The following ADAMTS14 variants were observed in gnomAD, a reference collection of about 807,000 sequenced individuals.
ADAMTS14 encodes A disintegrin and metalloproteinase with thrombospondin motifs 14.
In ADAMTS14, 100 loss-of-function variants were observed where a neutral mutation model predicts 128.6. The observed-to-expected ratio is 0.78, with a 90% CI of 0.66 to 0.92. The LOEUF (loss-of-function observed/expected upper bound fraction) is 0.92, where lower values mean the gene tolerates loss of function less well. ADAMTS14 is among the 40% of genes least tolerant of loss of function. The probability of loss-of-function intolerance (pLI) is 0.00; values close to 1 mark genes in which losing one functional copy is unlikely to be tolerated. For missense variants in ADAMTS14, 1,562 were observed against 1,658.6 expected (o/e 0.94, Z 1.01); for synonymous variants, 665 against 653.8 (o/e 1.02, Z -0.26).
At chr10:70,706,717 C>G (rs1372280429) in intron 3 of ADAMTS14, among the ~76,000 whole-genome samples, 1 of 152,238 alleles carries the variant, frequency 6.6e-6, no homozygotes, top group Non-Finnish European at 1.5e-5. Context: ...GTTTTTCCAG[C>G]TCTTAAGTCT....
intron 13 of ADAMTS14, 99 bp from the exon 14 acceptor site, chr10:70,743,967 G>A (rs1564552718): frequency 3.4e-6 from 5 of 1,453,340 alleles, no homozygotes; most frequent in Non-Finnish European, 4.6e-6. Flanking sequence ...CCAGGCCAGA[G>A]GTCTTCTCCT....
chr10:70,744,261 C>T, intron 14 of ADAMTS14, 72 bp downstream of exon 14: 1 of 1,447,492 alleles, frequency 6.9e-7, no homozygotes, highest in South Asian at 1.4e-5. Context: ...GGGGCCCTCC[C>T]TCCTTGAACT....
At chr10:70,708,544 C>T (rs1840734231) in intron 3 of ADAMTS14, 44 bp from the exon 4 acceptor site, 28 of 1,543,100 alleles carry the variant, frequency 1.8e-5, no homozygotes, top group Non-Finnish European at 2.4e-5. Context: ...AGTGACAGCC[C>T]CTCCTGTGGG....
At chr10:70,720,472 G>GA (rs1304427443) in intron 4 of ADAMTS14, among the ~76,000 whole-genome samples, 1 of 152,190 alleles carries the variant, frequency 6.6e-6, no homozygotes, top group African/African-American at 2.4e-5. Flanking sequence ...TAGATTTGAT[G>GA]AAATATGGCA....
At chr10:70,681,566 T>C (rs1259651863) in intron 2 of ADAMTS14, among the ~76,000 whole-genome samples, 1 of 152,250 alleles carries the variant, frequency 6.6e-6, no homozygotes, top group Non-Finnish European at 1.5e-5. Flanking sequence ...TCCAGCTCGA[T>C]GCTGGTGCAC....
intron 4 of ADAMTS14, among the ~76,000 whole-genome samples, chr10:70,712,800 G>T (rs1279875647): frequency 2.0e-5 from 3 of 152,136 alleles, no homozygotes; most frequent in African/African-American, 7.2e-5. Context: ...CTGGTTTGAG[G>T]CCTGACCAGG....
chr10:70,684,840 GCCTGGGTCCTGGGTCCTGGGT>G (rs146647999), intron 2 of ADAMTS14, among the ~76,000 whole-genome samples: 7 of 151,776 alleles, frequency 4.6e-5, no homozygotes, highest in Non-Finnish European at 7.4e-5. Flanking sequence ...GAGGCCCCGG[GCCTGGGTCCTGGGTCCTGGGT>G]CCTGGGTCCT....
intron 2 of ADAMTS14, among the ~76,000 whole-genome samples, chr10:70,680,325 A>G (rs1167803648): frequency 6.6e-6 from 1 of 152,048 alleles, no homozygotes; most frequent in Non-Finnish European, 1.5e-5. Flanking sequence ...GCATCGCTTG[A>G]ACCCGGGAGG....
chr10:70,726,102 C>T (rs1841418606), intron 4 of ADAMTS14, among the ~76,000 whole-genome samples: 1 of 152,206 alleles, frequency 6.6e-6, no homozygotes, highest in Admixed American at 6.5e-5. Flanking sequence ...GCATCTAGGC[C>T]AGTTACCAGG....
chr10:70,752,715 G>A (rs533863575), intron 18 of ADAMTS14, among the ~76,000 whole-genome samples: 2 of 152,308 alleles, frequency 1.3e-5, no homozygotes, highest in South Asian at 4.1e-4. Context: ...GCCACAGAGG[G>A]CATCGCCCAT....
intron 21 of ADAMTS14, among the ~76,000 whole-genome samples, chr10:70,759,129 T>TTTTTTTTTTTTTTTTTTTTTTTTAG (rs1485675752): frequency 8.9e-6 from 1 of 112,610 alleles, no homozygotes; most frequent in African/African-American, 3.3e-5. Flanking sequence ...TCCAATCTTC[T>TTTTTTTTTTTTTTTTTTTTTTTTAG]ACTTCTCTGC....
chr10:70,744,800 C>T (rs2541231), intron 14 of ADAMTS14, among the ~76,000 whole-genome samples: 40,579 of 151,898 alleles, frequency 0.27, 5,630 homozygotes, highest in Admixed American at 0.38. Context: ...GGCCTTGGGT[C>T]GGGAGGGCCA....
intron 19 of ADAMTS14, among the ~76,000 whole-genome samples, chr10:70,756,820 A>G (rs1312218020): frequency 6.6e-6 from 1 of 152,288 alleles, no homozygotes; most frequent in African/African-American, 2.4e-5. Context: ...AGCAGGTGCT[A>G]GGTGCCCTGA....
At chr10:70,682,568 T>C (rs11818677) in intron 2 of ADAMTS14, among the ~76,000 whole-genome samples, 34,437 of 142,218 alleles carry the variant, frequency 0.24, 4,174 homozygotes, top group Middle Eastern at 0.35. Context: ...GGGATCATAA[T>C]AGTAATCACT....
At chr10:70,683,646 T>C (rs1458633231) in intron 2 of ADAMTS14, among the ~76,000 whole-genome samples, 1 of 152,218 alleles carries the variant, frequency 6.6e-6, no homozygotes, top group African/African-American at 2.4e-5. Context: ...GTCTAAAACT[T>C]GGAACTGAAA....
chr10:70,708,830 C>A, intron 4 of ADAMTS14, 52 bp downstream of exon 4: 7 of 1,203,708 alleles, frequency 5.8e-6, no homozygotes, highest in Non-Finnish European at 7.8e-6. Flanking sequence ...GGGTGGGCCC[C>A]ACCCCACCCC....
chr10:70,746,899 C>A (rs1201703220), intron 15 of ADAMTS14, among the ~76,000 whole-genome samples: 4 of 152,014 alleles, frequency 2.6e-5, no homozygotes, highest in South Asian at 2.1e-4. Context: ...TGTGTTCAGA[C>A]CCCTTTGCAG....
intron 8 of ADAMTS14, 127 bp from the exon 9 acceptor site, chr10:70,735,042 C>T (rs368213719): frequency 3.7e-5 from 46 of 1,240,222 alleles, no homozygotes; most frequent in African/African-American, 3.3e-4. Flanking sequence ...GAAGAGACAG[C>T]GCTGGGAACA....
chr10:70,701,462 G>T (rs1184310635), intron 2 of ADAMTS14, among the ~76,000 whole-genome samples: 1 of 152,216 alleles, frequency 6.6e-6, no homozygotes, highest in African/African-American at 2.4e-5. Context: ...GGCTGCTCTT[G>T]GTACTTTGTA....
Sources: allele counts gnomAD v4.1 joint callset (sites outside exome capture counted in the v4.1 genomes callset), GRCh38; gene constraint gnomAD v4.1.1; transcripts MANE v1.5; gene names NCBI Gene and HGNC (gene_info 2026-07-23, HGNC 2026-07-21).